Variants in OR7A17 observed in about 807,000 individuals in gnomAD.
OR7A17 encodes the protein olfactory receptor family 7 subfamily A member 17.
For synonymous variants in OR7A17, 159 were observed against 142.1 expected (o/e 1.12, Z -0.85); for missense variants, 366 against 365.5 (o/e 1.00, Z -0.01).
rs1418575605 is a variant in OR7A17 at position 14,880,565 on chromosome 19, G to A, written c.791C>T (p.Ala264Val). ...TGLGVYLTSAATHNSHTSATA... is the reference protein window; with the variant it reads ...TGLGVYLTSAVTHNSHTSATA... The stretch of plus-strand genomic sequence containing the variant: ...TGCACTTGTGTGTGAGTTGTGGGTT[G>A]CAGCAGAAGTAAGGTACACACCTAG... The change falls in exon 3 of 3, where the codon GCA becomes GTA. Residue 264 changes from alanine to valine, a missense_variant. Coordinates refer to ENST00000641113, the MANE Select transcript of OR7A17 (RefSeq NM_030901.2). The A allele has an allele frequency of 2.5e-6, 4 of 1,614,188 alleles. 1 individual carries two copies. The Admixed American group carries it at 6.7e-5, about 27-fold the overall frequency.
At position 14,879,974 on chromosome 19, in the gene OR7A17, T is replaced by C. The variant is rs188021190; in HGVS notation, c.*452A>G. On this transcript the variant is annotated 3_prime_UTR_variant, in exon 3 of 3. Coordinates refer to ENST00000641113, the MANE Select transcript of OR7A17 (RefSeq NM_030901.2). ...AAATGCACACTCGTGTGGGGTAAAG[T>C]TTACATGACCAGGAAGAACACTTAA... 1 of 152,678 alleles carries C rather than the reference T, an allele frequency of 6.5e-6. No homozygotes were observed. The highest frequency in any genetic ancestry group is 6.5e-5 in the Admixed American group (1 of 15,294). 9.5% of individuals were successfully genotyped at this position (152,678 alleles called of 1,614,324 possible).
intron 1 of OR7A17, 105 bp from the exon 2 acceptor site, chr19:14,881,976 T>C (rs1397133500): frequency 6.6e-6 from 1 of 152,238 alleles, no homozygotes; most frequent in Non-Finnish European, 1.5e-5. Context: ...TGGCCTCTAG[T>C]AATCTCCATT....
rs1159787662 is a variant in OR7A17 at position 14,878,347 on chromosome 19, C to T, written c.*2079G>A. The stretch of plus-strand genomic sequence containing the variant: ...AAATTCAGGTTCCTTTGTGAGTCAT[C>T]ATTTGATTATAAGGGTTGAAGAGAG... On this transcript the variant is annotated 3_prime_UTR_variant, in exon 3 of 3. Coordinates refer to ENST00000641113, the MANE Select transcript of OR7A17 (RefSeq NM_030901.2). The T allele has an allele frequency of 6.6e-6, 1 of 152,158 alleles. No homozygotes were observed. Among genetic ancestry groups the T allele is most frequent in the Non-Finnish European group, 1.5e-5 (1 of 68,030 alleles). 9.4% of individuals were successfully genotyped at this position (152,158 alleles called of 1,614,324 possible).
Position 14,881,089 on chromosome 19 carries a change from G to T in OR7A17, c.267C>A (p.Ser89Arg). ...TGCAGCCTGCATAGGTGATGACTCT[G>T]CTCTGTGTCTGGATGTTAATGAGCA... ...PKMLINIQTQ[S>R]RVITYAGCIT... Residue 89 changes from serine to arginine, a missense_variant, in exon 3 of 3, where the codon AGC becomes AGA. Coordinates refer to ENST00000641113, the MANE Select transcript of OR7A17 (RefSeq NM_030901.2). 1 of 1,614,198 alleles carries T rather than the reference G, an allele frequency of 6.2e-7. No homozygotes were observed. The highest frequency in any genetic ancestry group is 1.6e-4 in the Middle Eastern group (1 of 6,062).
intron 1 of OR7A17, among the ~76,000 whole-genome samples, chr19:14,885,532 AAG>A (rs1373681892): frequency 6.6e-6 from 1 of 152,178 alleles, no homozygotes; most frequent in African/African-American, 2.4e-5. Context: ...AATTGCTACA[AAG>A]AGAATAAAAT....
rs8106408 is a variant in OR7A17, at chr19:14,878,860, G to T, written c.*1566C>A. The T allele has an allele frequency of 6.6e-6, 1 of 151,966 alleles. No individual in the cohort carries two copies. Among genetic ancestry groups the T allele is most frequent in the African/African-American group, 2.4e-5 (1 of 41,352 alleles). 9.4% of individuals were successfully genotyped at this position (151,966 alleles called of 1,614,324 possible). A position where few individuals can be genotyped will look rare whatever the true frequency, so the allele number is the denominator to read the frequency against. On this transcript the variant is annotated 3_prime_UTR_variant, in exon 3 of 3. Coordinates refer to ENST00000641113, the MANE Select transcript of OR7A17 (RefSeq NM_030901.2). ...CCGGCTAATTTTTGCATTTTTAGTA[G>T]AGACAGGGTTTCACCATGTTGGCCA...
chr19:14,880,905 T>A lies in OR7A17; in HGVS notation c.451A>T (p.Ile151Phe). The part of the protein sequence containing the change: ...CGLLVLASWM[I>F]AALNSLSQSL... ...TGTGACAAGGAATTCAGGGCAGCAA[T>A]CATCCAGGATGCCAGAACCAGGAGT... Residue 151 changes from isoleucine to phenylalanine, a missense_variant, in exon 3 of 3, where the codon ATT (isoleucine) becomes TTT (phenylalanine). Physicochemically the swap from Ile to Phe is conservative, Grantham distance 21 (BLOSUM62 0). Coordinates refer to ENST00000641113, the MANE Select transcript of OR7A17 (RefSeq NM_030901.2). 6.2e-7 allele frequency: 1 copy of A among 1,614,114 alleles called. No individual in the cohort carries two copies. The highest frequency in any genetic ancestry group is 8.5e-7 in the Non-Finnish European group (1 of 1,180,000).
Position 14,880,594 on chromosome 19 carries a change from C to T in OR7A17, c.762G>A (p.Thr254=), listed in dbSNP as rs769370015. Reference sequence around the variant, plus strand: ...CAGAAGTAAGGTACACACCTAGGCCCGTACAACAAAATAAAGAGACAACTG... The same window carrying T: ...CAGAAGTAAGGTACACACCTAGGCCTGTACAACAAAATAAAGAGACAACTG... ...HLSVVSLFCC[T]GLGVYLTSAA... is the part of the protein sequence containing the mutation. The change falls in exon 3 of 3, where the codon ACG becomes ACA. Residue 254 remains threonine, a synonymous_variant. Coordinates refer to ENST00000641113, the MANE Select transcript of OR7A17 (RefSeq NM_030901.2). 2.2e-5 allele frequency: 36 copies of T among 1,613,870 alleles called. No individual in the cohort carries two copies. The highest frequency in any genetic ancestry group is 6.7e-5 in the East Asian group (3 of 44,882).
At position 14,878,452 on chromosome 19, in the gene OR7A17, G is replaced by GACAC. The variant is rs1028365520; in HGVS notation, c.*1970_*1973dup. On this transcript the variant is annotated 3_prime_UTR_variant, in exon 3 of 3. Coordinates refer to ENST00000641113, the MANE Select transcript of OR7A17 (RefSeq NM_030901.2). Reference sequence around the variant, plus strand: ...CACTTACCTACATTTTAATGGCTAAGACACAATATTTTAAAAGGAAGATTT... The same window carrying GACAC: ...CACTTACCTACATTTTAATGGCTAAGACACACACAATATTTTAAAAGGAAGATTT... 1.5e-4 allele frequency: 23 copies of GACAC among 152,172 alleles called. No individual in the cohort carries two copies. The highest frequency in any genetic ancestry group is 5.3e-4 in the African/African-American group (22 of 41,426). The allele number at this position is 152,172 out of a possible 1,614,324, so 9.4% of individuals were successfully genotyped here. A position where few individuals can be genotyped will look rare whatever the true frequency, so the allele number is the denominator to read the frequency against.
Position 14,881,867 on chromosome 19 carries a change from C to G in OR7A17, c.-290G>C, listed in dbSNP as rs2045114178. The G allele has an allele frequency of 6.6e-6, 1 of 152,172 alleles. No individual in the cohort carries two copies. The highest frequency in any genetic ancestry group is 1.5e-5 in the Non-Finnish European group (1 of 68,074). 9.4% of individuals were successfully genotyped at this position (152,172 alleles called of 1,614,324 possible). A position where few individuals can be genotyped will look rare whatever the true frequency, so the allele number is the denominator to read the frequency against. On this transcript the variant is annotated 5_prime_UTR_variant, in exon 2 of 3. Coordinates refer to ENST00000641113, the MANE Select transcript of OR7A17 (RefSeq NM_030901.2). ...AATATATCATCATGAACTATATTCACCATGCTGTAAAATAAATATTTTGAA... is the reference window on the plus strand; with the variant it reads ...AATATATCATCATGAACTATATTCAGCATGCTGTAAAATAAATATTTTGAA...
Position 14,881,451 on chromosome 19 carries a change from C to A in OR7A17, c.-96G>T. On this transcript the variant is annotated 5_prime_UTR_variant, in exon 3 of 3. Transcript: ENST00000641113. ...ACTCTGTTGCCAACGCTGGTCTGAA[C>A]CTCCTGGACTCATGCGATCCTCCCA... 1.3e-6 allele frequency: 1 copy of A among 796,134 alleles called. No homozygotes were observed. The highest frequency in any genetic ancestry group is 1.7e-6 in the Non-Finnish European group (1 of 584,136). 49.3% of individuals were successfully genotyped at this position (796,134 alleles called of 1,614,324 possible).
chr19:14,880,081 C>T lies in OR7A17; in HGVS notation c.*345G>A, dbSNP rs2045098682. On this transcript the variant is annotated 3_prime_UTR_variant, in exon 3 of 3. Coordinates refer to ENST00000641113, the MANE Select transcript of OR7A17 (RefSeq NM_030901.2). ...ATCTAAAATAAAATTATATTAATGACCTTATGGCTGCCAGGTGCAATTGAT... is the reference window on the plus strand; with the variant it reads ...ATCTAAAATAAAATTATATTAATGATCTTATGGCTGCCAGGTGCAATTGAT... 6.0e-6 allele frequency: 1 copy of T among 166,388 alleles called. No homozygotes were observed. Among genetic ancestry groups the T allele is most frequent in the East Asian group, 1.7e-4 (1 of 5,790 alleles). 10.3% of individuals were successfully genotyped at this position (166,388 alleles called of 1,614,324 possible). A position where few individuals can be genotyped will look rare whatever the true frequency, so the allele number is the denominator to read the frequency against.
chr19:14,883,108 G>A (rs1044375501), intron 1 of OR7A17, among the ~76,000 whole-genome samples: 3 of 152,102 alleles, frequency 2.0e-5, no homozygotes, highest in African/African-American at 7.2e-5. Flanking sequence ...TTCTGGTTCT[G>A]GTCTTCCTGT....
At position 14,881,059 on chromosome 19, in the gene OR7A17, G is replaced by A; in HGVS notation, c.297C>T (p.Thr99=). ...SRVITYAGCI[T]QMCFFVLFGG... is the part of the protein sequence containing the mutation. ...CAAAAAGTACAAAAAAGCACATCTG[G>A]GTGATGCAGCCTGCATAGGTGATGA... Residue 99 remains threonine (T), a synonymous_variant, in exon 3 of 3, where the codon ACC becomes ACT. Coordinates refer to ENST00000641113, the MANE Select transcript of OR7A17 (RefSeq NM_030901.2). 1 of 1,614,150 alleles carries A rather than the reference G, an allele frequency of 6.2e-7. No homozygotes were observed. The highest frequency in any genetic ancestry group is 8.5e-7 in the Non-Finnish European group (1 of 1,180,036).
In OR7A17 at chr19:14,881,335, T is replaced by C. The variant is rs764291929; in HGVS notation, c.21A>G (p.Thr7=). 10 of 1,513,198 alleles carry C rather than the reference T, an allele frequency of 6.6e-6. No individual in the cohort carries two copies. In the South Asian group the frequency reaches 1.3e-4, roughly 19 times the overall value. 93.7% of individuals were successfully genotyped at this position (1,513,198 alleles called of 1,614,324 possible). A position where few individuals can be genotyped will look rare whatever the true frequency, so the allele number is the denominator to read the frequency against. MEPEND[T]GISEFVLLGL... ...CCAGAAGAACAAATTCTGAAATCCCTGTGTCATTCTCTGGTTCCATCTTTT... is the reference window on the plus strand; with the variant it reads ...CCAGAAGAACAAATTCTGAAATCCCCGTGTCATTCTCTGGTTCCATCTTTT... The change falls in exon 3 of 3, where the codon ACA becomes ACG. Residue 7 remains threonine, a synonymous_variant. Transcript: ENST00000641113.
Position 14,880,268 on chromosome 19 carries a change from A to G in OR7A17, c.*158T>C. On this transcript the variant is annotated 3_prime_UTR_variant, in exon 3 of 3. Coordinates refer to ENST00000641113, the MANE Select transcript of OR7A17 (RefSeq NM_030901.2). The stretch of plus-strand genomic sequence containing the variant: ...AGAGCGGAAAGCTTTATAAAGGAAT[A>G]CATTAAATTCTATGTCAGTTGAGAT... The G allele has an allele frequency of 2.0e-6, 1 of 507,724 alleles. No homozygotes were observed. Among genetic ancestry groups the G allele is most frequent in the Non-Finnish European group, 3.4e-6 (1 of 298,290 alleles). The allele number at this position is 507,724 out of a possible 1,614,324, so 31.5% of individuals were successfully genotyped here. A position where few individuals can be genotyped will look rare whatever the true frequency, so the allele number is the denominator to read the frequency against.
In OR7A17 at chr19:14,880,497, G is replaced by T. The variant is rs1452901670; in HGVS notation, c.859C>A (p.Pro287Thr). 2 of 1,614,076 alleles carry T rather than the reference G, an allele frequency of 1.2e-6. No homozygotes were observed. The highest frequency in any genetic ancestry group is 8.5e-7 in the Non-Finnish European group (1 of 1,179,980). The change falls in exon 3 of 3, where the codon CCC becomes ACC. Residue 287 changes from proline to threonine, a missense_variant. Coordinates refer to ENST00000641113, the MANE Select transcript of OR7A17 (RefSeq NM_030901.2). ...MYTVATPMLNPFIYSLRNKDI... is the reference protein window; with the variant it reads ...MYTVATPMLNTFIYSLRNKDI... The stretch of plus-strand genomic sequence containing the variant: ...TTATTCCTCAGACTGTAGATAAAGG[G>T]GTTCAGCATGGGGGTGGCCACAGTG...
intron 1 of OR7A17, among the ~76,000 whole-genome samples, chr19:14,882,894 G>T (rs183903734): frequency 4.1e-4 from 63 of 152,212 alleles, no homozygotes; most frequent in African/African-American, 1.5e-3. Flanking sequence ...TCTCACCCTG[G>T]TTACACTGTT....
intron 1 of OR7A17, among the ~76,000 whole-genome samples, chr19:14,883,672 A>G (rs2045123195): frequency 1.3e-5 from 2 of 152,224 alleles, no homozygotes; most frequent in Admixed American, 1.3e-4. Flanking sequence ...TGTATTATGT[A>G]GAAAAAAATT....
Sources: allele counts gnomAD v4.1 joint callset (sites outside exome capture counted in the v4.1 genomes callset), GRCh38; gene constraint gnomAD v4.1.1; transcripts MANE v1.5; gene names NCBI Gene and HGNC (gene_info 2026-07-23, HGNC 2026-07-21).